IGF1: variants seen among roughly 807,000 people sequenced by gnomAD.
The protein encoded by IGF1 is insulin like growth factor 1.
In IGF1, 4 loss-of-function variants were observed where a neutral mutation model predicts 13.8. The observed-to-expected ratio is 0.29, with a 90% confidence interval of 0.14 to 0.66. The LOEUF is 0.66. Among genes scored for constraint, IGF1 ranks in the 30% least tolerant of loss-of-function variants. IGF1 has a pLI of 0.78. For synonymous variants in IGF1, 76 were observed against 72.6 expected (o/e 1.05, Z -0.23); for missense variants, 124 against 188.5 (o/e 0.66, Z 2.00).
chr12:102,417,669 A>G lies in IGF1; in HGVS notation c.402+1840T>C. On this transcript the variant is annotated intron_variant, in intron 3 of 3. Transcript: ENST00000337514. ...TCCATGTTTCTTAGCGAGATTCTCT[A>G]AAAGGTTACTTCTATTTCCATCACA... is the stretch of plus-strand genomic sequence containing the variant. 3.5e-6 allele frequency: 5 copies of G among 1,433,920 alleles called. No homozygotes were observed. In the Admixed American group the frequency reaches 9.3e-5, roughly 27 times the overall value. 88.8% of individuals were successfully genotyped at this position (1,433,920 alleles called of 1,614,324 possible).
At chr12:102,427,045 C>G (rs1486320196) in intron 2 of IGF1, among the ~76,000 whole-genome samples, 1 of 152,200 alleles carries the variant, frequency 6.6e-6, no homozygotes, top group Non-Finnish European at 1.5e-5. Context: ...CTCCTGCCAG[C>G]CATGCTTTGG....
chr12:102,475,553 T>C, intron 2 of IGF1, 90 bp downstream of exon 2: 1 of 1,433,760 alleles, frequency 7.0e-7, no homozygotes, highest in South Asian at 1.2e-5. Context: ...CGGGCACTCA[T>C]TCAGTTATTC....
rs563676693 is a variant in IGF1, at chr12:102,470,026, T to C, written c.220+5617A>G. On this transcript the variant is annotated intron_variant, in intron 2 of 3. Transcript: ENST00000337514. ...TGTGTAATTAATTGGGCCGTTCATA[T>C]ACCTCAGCATTGGCAATAGATTCTG... 2.4e-4 allele frequency among the ~76,000 whole-genome samples: 36 copies of C among 152,326 alleles called. 1 individual carries two copies. Among genetic ancestry groups the C allele is most frequent in the Admixed American group, 1.0e-3 (16 of 15,294 alleles).
chr12:102,423,585 A>G (rs187148617), intron 2 of IGF1, among the ~76,000 whole-genome samples: 1 of 152,292 alleles, frequency 6.6e-6, no homozygotes, highest in East Asian at 1.9e-4. Context: ...TTTAGTCACA[A>G]TGTACTGCTG....
intron 1 of IGF1, among the ~76,000 whole-genome samples, chr12:102,476,282 G>A (rs942147984): frequency 1.3e-5 from 2 of 152,078 alleles, no homozygotes. Context: ...TCATTATTGA[G>A]CAGAATATTT....
chr12:102,406,514 A>G (rs992348918), intron 3 of IGF1, among the ~76,000 whole-genome samples: 3 of 152,206 alleles, frequency 2.0e-5, no homozygotes, highest in East Asian at 1.9e-4. Context: ...ACTGTTTCCT[A>G]TTGACACCAA....
chr12:102,478,825 C>T (rs1008913678), intron 1 of IGF1, among the ~76,000 whole-genome samples: 11 of 152,176 alleles, frequency 7.2e-5, no homozygotes, highest in Non-Finnish European at 1.3e-4. Flanking sequence ...TCCCTTCCCC[C>T]GACTCACTCA....
chr12:102,475,936 G>T, intron 1 of IGF1, 137 bp from the exon 2 acceptor site: 2 of 897,372 alleles, frequency 2.2e-6, no homozygotes, highest in Non-Finnish European at 3.6e-6. Flanking sequence ...AGCCAATAGA[G>T]TACATGAGAA....
chr12:102,422,809 G>A (rs1295493237), intron 2 of IGF1, among the ~76,000 whole-genome samples: 1 of 152,136 alleles, frequency 6.6e-6, no homozygotes, highest in Non-Finnish European at 1.5e-5. Flanking sequence ...TCTTCATTAG[G>A]TGCTGTATAA....
At chr12:102,422,957 C>A (rs2137015795) in intron 2 of IGF1, 1 of 152,224 alleles carries the variant, frequency 6.6e-6, no homozygotes, top group East Asian at 1.9e-4. Flanking sequence ...GTAATGAACT[C>A]CCCATTGCAG....
At chr12:102,452,319 G>A (rs1284427441) in intron 2 of IGF1, among the ~76,000 whole-genome samples, 1 of 135,166 alleles carries the variant, frequency 7.4e-6, no homozygotes, top group Non-Finnish European at 1.6e-5. Context: ...GCCATGATAA[G>A]TTTCCTGAGG....
chr12:102,452,898 A>G (rs1396305456), intron 2 of IGF1, among the ~76,000 whole-genome samples: 1 of 152,174 alleles, frequency 6.6e-6, no homozygotes, highest in Non-Finnish European at 1.5e-5. Context: ...TGCTTTGCTG[A>G]GCAGCCTTGT....
chr12:102,428,007 G>C (rs1876361237), intron 2 of IGF1, among the ~76,000 whole-genome samples: 1 of 151,826 alleles, frequency 6.6e-6, no homozygotes, highest in Admixed American at 6.6e-5. Flanking sequence ...ACCTAGCACA[G>C]TGCCATATGC....
At chr12:102,403,207 G>A (rs532567318) in intron 3 of IGF1, among the ~76,000 whole-genome samples, 17 of 151,730 alleles carry the variant, frequency 1.1e-4, no homozygotes, top group African/African-American at 4.1e-4. Flanking sequence ...TATAAACTAG[G>A]GTAACAATAA....
rs2137294899 is a variant in IGF1, at chr12:102,478,630, T to C, written c.63+1689A>G. 3 of 1,487,170 alleles carry C rather than the reference T, an allele frequency of 2.0e-6. No homozygotes were observed. In the East Asian group the frequency reaches 7.5e-5, roughly 37 times the overall value. 92.1% of individuals were successfully genotyped at this position (1,487,170 alleles called of 1,614,324 possible). A position where few individuals can be genotyped will look rare whatever the true frequency, so the allele number is the denominator to read the frequency against. On this transcript the variant is annotated intron_variant, in intron 1 of 3. Transcript: ENST00000337514. ...GGTTTGTGAAAGCATCTAGTTACAT[T>C]TGGACACCCAGGCAGGTATGCTATT... is the stretch of plus-strand genomic sequence containing the variant.
intron 2 of IGF1, among the ~76,000 whole-genome samples, chr12:102,458,736 A>AAAAAAAAAAAC (rs1879648862): frequency 6.9e-6 from 1 of 145,100 alleles, no homozygotes; most frequent in African/African-American, 2.8e-5. Context: ...TGACCAAAAA[A>AAAAAAAAAAAC]AAAAAAAAAA....
chr12:102,440,739 G>A (rs771011315), intron 2 of IGF1, among the ~76,000 whole-genome samples: 1 of 152,168 alleles, frequency 6.6e-6, no homozygotes, highest in Non-Finnish European at 1.5e-5. Context: ...ACAAGGATAG[G>A]TCACTCAGAC....
chr12:102,448,170 C>T (rs1008102145), intron 2 of IGF1, among the ~76,000 whole-genome samples: 1 of 149,606 alleles, frequency 6.7e-6, no homozygotes, highest in Admixed American at 6.7e-5. Context: ...ACCATTTGAC[C>T]CAGCCATCCC....
chr12:102,454,851 G>T (rs373019801), intron 2 of IGF1, among the ~76,000 whole-genome samples: 1 of 152,172 alleles, frequency 6.6e-6, no homozygotes, highest in African/African-American at 2.4e-5. Flanking sequence ...TATCAGTCTG[G>T]GGACAAATTG....
Sources: gnomAD v4.1 joint callset for allele counts (sites outside exome capture counted in the v4.1 genomes callset) on GRCh38, gnomAD v4.1.1 for gene constraint, MANE v1.5 for transcripts, NCBI Gene and HGNC (gene_info 2026-07-23, HGNC 2026-07-21) for gene names.